SLIT2: variants seen among roughly 807,000 people sequenced by gnomAD.
SLIT2 encodes slit homolog 2 protein.
In SLIT2, 41 loss-of-function variants were observed where a neutral mutation model predicts 185.7. The ratio of observed to expected loss-of-function variants is 0.22; its 90% CI spans 0.17 to 0.29. The LOEUF is 0.29. Ranked by LOEUF, SLIT2 falls within the 10% of genes least tolerant of loss-of-function variation. The probability of loss-of-function intolerance (pLI) is 1.00; values close to 1 mark genes in which losing one functional copy is unlikely to be tolerated. For missense variants in SLIT2, 1,571 were observed against 1,909.0 expected (o/e 0.82, Z 3.30); for synonymous variants, 693 against 680.2 (o/e 1.02, Z -0.29).
intron 4 of SLIT2, among the ~76,000 whole-genome samples, chr4:20,276,054 A>G (rs1262211618): frequency 6.6e-6 from 1 of 152,160 alleles, no homozygotes; most frequent in African/African-American, 2.4e-5. Context: ...ATATGTACAT[A>G]TGATTTGATC....
intron 26 of SLIT2, among the ~76,000 whole-genome samples, chr4:20,558,039 T>G (rs1724402358): frequency 6.6e-6 from 1 of 152,190 alleles, no homozygotes; most frequent in African/African-American, 2.4e-5. Context: ...TTCTTACGGA[T>G]GAGCAAACAA....
rs567048155 is a variant in SLIT2, at chr4:20,557,407, A to G, written c.2725+3439A>G. Among the ~76,000 whole-genome samples the G allele has an allele frequency of 6.5e-4, 99 of 152,158 alleles. 1 individual carries two copies. In the South Asian group the frequency reaches 0.018, roughly 28 times the overall value. The stretch of plus-strand genomic sequence containing the variant: ...GAAAATCCTAGAGCCCTTGATAATT[A>G]CGGTAAATCTACTCTGCTTATGCTC... On this transcript the variant is annotated intron_variant, in intron 26 of 36. Transcript: ENST00000504154.
chr4:20,519,324 A>T lies in SLIT2; in HGVS notation c.1059-58A>T, dbSNP rs1056778556. On this transcript the variant is annotated intron_variant, in intron 11 of 36. Transcript: ENST00000504154. ...GTATGCCTGAGTAAATATGTATTAGATGAATTTGTTATGCAGGTTTGGTGT... is the reference window on the plus strand; with the variant it reads ...GTATGCCTGAGTAAATATGTATTAGTTGAATTTGTTATGCAGGTTTGGTGT... 31 of 842,008 alleles carry T rather than the reference A, an allele frequency of 3.7e-5. No individual in the cohort carries two copies. The African/African-American group carries it at 4.5e-4, about 12-fold the overall frequency. The allele number at this position is 842,008 out of a possible 1,614,324, so 52.2% of individuals were successfully genotyped here. A position where few individuals can be genotyped will look rare whatever the true frequency, so the allele number is the denominator to read the frequency against.
rs561020286 is a variant in SLIT2 at position 20,371,880 on chromosome 4, A to C, written c.396-95872A>C. Among the ~76,000 whole-genome samples the C allele has an allele frequency of 5.9e-5, 9 of 152,126 alleles. No individual in the cohort carries two copies. The South Asian group carries it at 1.5e-3, about 25-fold the overall frequency. On this transcript the variant is annotated intron_variant, in intron 4 of 36. Coordinates refer to ENST00000504154, the MANE Select transcript of SLIT2 (RefSeq NM_004787.4). Reference sequence around the variant, plus strand: ...TTTTTAATTTGGTGATTATCCATTTACCTATTTTAATTACAAGGAAGAGCT... The same window carrying C: ...TTTTTAATTTGGTGATTATCCATTTCCCTATTTTAATTACAAGGAAGAGCT...
At chr4:20,417,432 GTGTGTATATATATATATA>G (rs1727768981) in intron 4 of SLIT2, among the ~76,000 whole-genome samples, 1 of 96,660 alleles carries the variant, frequency 1.0e-5, no homozygotes, top group African/African-American at 3.4e-5. Flanking sequence ...ATATATGTGT[GTGTGTATATATATATATA>G]TATATATACG....
At chr4:20,405,806 T>A (rs920924611) in intron 4 of SLIT2, among the ~76,000 whole-genome samples, 4 of 152,036 alleles carry the variant, frequency 2.6e-5, no homozygotes, top group African/African-American at 9.7e-5. Flanking sequence ...TAATTTAATT[T>A]AAAAATTTTT....
At chr4:20,305,277 C>G (rs906883744) in intron 4 of SLIT2, among the ~76,000 whole-genome samples, 1 of 151,584 alleles carries the variant, frequency 6.6e-6, no homozygotes, top group African/African-American at 2.4e-5. Flanking sequence ...CATATATACA[C>G]CAAAAAAAGA....
intron 25 of SLIT2, among the ~76,000 whole-genome samples, chr4:20,553,052 ACAACCGTAAAAT>A (rs1723915880): frequency 6.6e-6 from 1 of 152,210 alleles, no homozygotes; most frequent in Non-Finnish European, 1.5e-5. Context: ...CTTCTAATGA[ACAACCGTAAAAT>A]GAACGATCTT....
chr4:20,486,079 C>A lies in SLIT2; in HGVS notation c.540-121C>A, dbSNP rs1000379313. On this transcript the variant is annotated intron_variant, in intron 6 of 36. Coordinates refer to ENST00000504154, the MANE Select transcript of SLIT2 (RefSeq NM_004787.4). ...CTATAGAGTAGTGCATTCTCTATGT[C>A]ATCTCTACCAGGTAGCTGTCCTGCA... 7.5e-6 allele frequency: 5 copies of A among 664,306 alleles called. No individual in the cohort carries two copies. The Admixed American group carries it at 1.3e-4, about 18-fold the overall frequency. 41.2% of individuals were successfully genotyped at this position (664,306 alleles called of 1,614,324 possible). A position where few individuals can be genotyped will look rare whatever the true frequency, so the allele number is the denominator to read the frequency against.
intron 4 of SLIT2, among the ~76,000 whole-genome samples, chr4:20,378,351 G>A (rs1299876134): frequency 6.6e-6 from 1 of 152,110 alleles, no homozygotes; most frequent in African/African-American, 2.4e-5. Flanking sequence ...ACTTAACAAT[G>A]TGATTACAGT....
At chr4:20,562,854 G>C (rs1384519254) in intron 26 of SLIT2, among the ~76,000 whole-genome samples, 1 of 151,722 alleles carries the variant, frequency 6.6e-6, no homozygotes, top group East Asian at 1.9e-4. Context: ...TGGCTTGATA[G>C]AAGGGCAGTG....
intron 4 of SLIT2, among the ~76,000 whole-genome samples, chr4:20,368,361 GAAAAC>G (rs750055180): frequency 1.3e-5 from 2 of 150,494 alleles, no homozygotes; most frequent in African/African-American, 2.4e-5. Context: ...AAGATTAACA[GAAAAC>G]AAAACAAAAC....
At chr4:20,617,937 A>G (rs566411472) in intron 36 of SLIT2, among the ~76,000 whole-genome samples, 1 of 152,286 alleles carries the variant, frequency 6.6e-6, no homozygotes, top group Admixed American at 6.5e-5. Flanking sequence ...TTGTTGTAAA[A>G]GAAATGCTCC....
At chr4:20,443,185 T>C (rs1245261158) in intron 4 of SLIT2, among the ~76,000 whole-genome samples, 2 of 152,176 alleles carry the variant, frequency 1.3e-5, no homozygotes, top group Admixed American at 1.3e-4. Flanking sequence ...GAAAGTCTTT[T>C]ATTAAAAGAT....
chr4:20,323,861 T>G (rs1719313038), intron 4 of SLIT2, among the ~76,000 whole-genome samples: 1 of 152,190 alleles, frequency 6.6e-6, no homozygotes, highest in Non-Finnish European at 1.5e-5. Context: ...CACAGTATAT[T>G]GCATATAGAA....
intron 4 of SLIT2, among the ~76,000 whole-genome samples, chr4:20,375,230 T>A (rs1232823079): frequency 6.6e-6 from 1 of 152,044 alleles, no homozygotes; most frequent in South Asian, 2.1e-4. Flanking sequence ...ATCCACTGAA[T>A]AATTGTTGAA....
chr4:20,396,407 T>C (rs1376414747), intron 4 of SLIT2, among the ~76,000 whole-genome samples: 1 of 151,866 alleles, frequency 6.6e-6, no homozygotes, highest in African/African-American at 2.4e-5. Context: ...CTTTGTTGTC[T>C]GAATTGCCAT....
intron 30 of SLIT2, among the ~76,000 whole-genome samples, chr4:20,594,620 C>T (rs77671347): frequency 0.029 from 4,459 of 152,046 alleles, 96 homozygotes; most frequent in Non-Finnish European, 0.045. Context: ...AACTGCTGCA[C>T]GTGCCACACT....
chr4:20,537,899 G>A (rs73801863), intron 18 of SLIT2, among the ~76,000 whole-genome samples: 10,819 of 152,128 alleles, frequency 0.071, 490 homozygotes, highest in East Asian at 0.23. Context: ...TTGTGCATAT[G>A]TGTGCTTATG....
Sources: allele counts gnomAD v4.1 joint callset (sites outside exome capture counted in the v4.1 genomes callset), GRCh38; gene constraint gnomAD v4.1.1; transcripts MANE v1.5; gene names NCBI Gene and HGNC (gene_info 2026-07-23, HGNC 2026-07-21).